Variants in ZCWPW2 observed in about 807,000 individuals in gnomAD.
ZCWPW2 encodes zinc finger CW-type and PWWP domain containing 2.
In ZCWPW2, 45 loss-of-function variants were observed where a neutral mutation model predicts 46.6. That is an observed-to-expected ratio of 0.96 (90% confidence interval 0.76 to 1.24). ZCWPW2 has a LOEUF of 1.24. Ranked by LOEUF, ZCWPW2 falls within the 50% of genes most tolerant of loss-of-function variation. The probability of loss-of-function intolerance (pLI) is 0.00; values close to 1 mark genes in which losing one functional copy is unlikely to be tolerated. For synonymous variants in ZCWPW2, 152 were observed against 137.1 expected (o/e 1.11, Z -0.76); for missense variants, 429 against 403.9 (o/e 1.06, Z -0.53).
chr3:28,515,715 C>CTGTGTGTG (rs10539082), intron 8 of ZCWPW2, 94 bp downstream of exon 8: 23 of 666,438 alleles, frequency 3.5e-5, no homozygotes, highest in African/African-American at 3.0e-4. Context: ...AAAAGATTTC[C>CTGTGTGTG]TGTGTGTGTG....
intron 2 of ZCWPW2, among the ~76,000 whole-genome samples, chr3:28,397,619 A>G (rs1485382729): frequency 1.3e-5 from 2 of 152,184 alleles, no homozygotes; most frequent in African/African-American, 4.8e-5. Flanking sequence ...TCGGTGAGCC[A>G]AGATAGCATC....
intron 5 of ZCWPW2, among the ~76,000 whole-genome samples, chr3:28,484,809 C>A (rs926252239): frequency 6.6e-6 from 1 of 151,650 alleles, no homozygotes; most frequent in Non-Finnish European, 1.5e-5. Flanking sequence ...TGCCTGCCTG[C>A]CTGCCTTCCT....
intron 4 of ZCWPW2, among the ~76,000 whole-genome samples, chr3:28,436,323 C>CTTTTTTTTTTTTTTTTTTTTTTTTTTTT (rs71087698): frequency 8.6e-6 from 1 of 116,838 alleles, no homozygotes; most frequent in Non-Finnish European, 1.7e-5. Flanking sequence ...TCTTTTTTTT[C>CTTTTTTTTTTTTTTTTTTTTTTTTTTTT]TTTTTTTTTT....
intron 6 of ZCWPW2, among the ~76,000 whole-genome samples, chr3:28,512,562 C>T (rs1700455693): frequency 6.6e-6 from 1 of 152,150 alleles, no homozygotes; most frequent in South Asian, 2.1e-4. Flanking sequence ...TCTTATGCAA[C>T]TCCTTTCAGA....
intron 2 of ZCWPW2, among the ~76,000 whole-genome samples, chr3:28,408,950 G>C (rs974492835): frequency 6.6e-6 from 1 of 152,060 alleles, no homozygotes; most frequent in African/African-American, 2.4e-5. Flanking sequence ...ATGCACATAT[G>C]TGAATTAGGG....
intron 4 of ZCWPW2, among the ~76,000 whole-genome samples, chr3:28,474,620 T>TGCGTGTGTGTGC (rs1553640373): frequency 8.2e-6 from 1 of 121,630 alleles, no homozygotes; most frequent in African/African-American, 2.8e-5. Context: ...TGTGTGTGTG[T>TGCGTGTGTGTGC]GCGCGCGCGC....
intron 1 of ZCWPW2, among the ~76,000 whole-genome samples, chr3:28,373,270 C>T (rs1416104756): frequency 6.6e-6 from 1 of 152,160 alleles, no homozygotes; most frequent in African/African-American, 2.4e-5. Context: ...CACATTTCCA[C>T]CAAAAGAATA....
At chr3:28,512,098 A>G (rs746602200) in intron 6 of ZCWPW2, among the ~76,000 whole-genome samples, 6 of 152,042 alleles carry the variant, frequency 3.9e-5, no homozygotes, top group Non-Finnish European at 7.4e-5. Flanking sequence ...TTGTTTTGAT[A>G]TGGTGTCTAT....
chr3:28,475,054 A>G (rs1331844403), intron 4 of ZCWPW2, among the ~76,000 whole-genome samples: 1 of 151,842 alleles, frequency 6.6e-6, no homozygotes, highest in Non-Finnish European at 1.5e-5. Flanking sequence ...ATGTTGCCTA[A>G]GCTGGTCTTG....
intron 2 of ZCWPW2, among the ~76,000 whole-genome samples, chr3:28,408,900 A>T (rs906946475): frequency 2.0e-5 from 3 of 152,120 alleles, no homozygotes; most frequent in Non-Finnish European, 4.4e-5. Flanking sequence ...AGGGAAAGAC[A>T]TCTGAAAGAA....
At chr3:28,463,013 A>G (rs1375882920) in intron 4 of ZCWPW2, among the ~76,000 whole-genome samples, 8 of 152,222 alleles carry the variant, frequency 5.3e-5, no homozygotes, top group East Asian at 1.9e-4. Context: ...GGACACAGCT[A>G]GGGATTTTCT....
intron 2 of ZCWPW2, among the ~76,000 whole-genome samples, chr3:28,410,698 G>C (rs1289011132): frequency 6.6e-6 from 1 of 151,880 alleles, no homozygotes; most frequent in African/African-American, 2.4e-5. Flanking sequence ...TATTAGAAAA[G>C]ACTGCAAATG....
intron 6 of ZCWPW2, among the ~76,000 whole-genome samples, chr3:28,500,786 A>T (rs1250008864): frequency 2.6e-5 from 4 of 152,156 alleles, no homozygotes; most frequent in Non-Finnish European, 2.9e-5. Flanking sequence ...ATTTGGCTTT[A>T]TATGCATCCT....
chr3:28,473,276 G>T (rs192384170), intron 4 of ZCWPW2, among the ~76,000 whole-genome samples: 1 of 152,246 alleles, frequency 6.6e-6, no homozygotes, highest in Non-Finnish European at 1.5e-5. Context: ...AGGAGTTCAA[G>T]ACCAGCCCGC....
At chr3:28,378,746 A>G (rs971463391) in intron 1 of ZCWPW2, among the ~76,000 whole-genome samples, 1 of 152,084 alleles carries the variant, frequency 6.6e-6, no homozygotes, top group African/African-American at 2.4e-5. Context: ...TCATTGTTTC[A>G]TGCCTTATAA....
At chr3:28,440,664 A>G (rs896212303) in intron 4 of ZCWPW2, among the ~76,000 whole-genome samples, 3 of 152,162 alleles carry the variant, frequency 2.0e-5, no homozygotes, top group African/African-American at 7.2e-5. Context: ...TGACCAGTGA[A>G]TTTTATAAGC....
Position 28,433,487 on chromosome 3 carries a change from C to CT in ZCWPW2, c.333-1622dup, listed in dbSNP as rs1202759032. The stretch of plus-strand genomic sequence containing the variant: ...TTTTCATTTAAATAAAGAAAACAGG[C>CT]TGGGTGCAGTGGCTCATGCCTGTAA... On this transcript the variant is annotated intron_variant, in intron 3 of 9. Transcript: ENST00000383768. Among the ~76,000 whole-genome samples the CT allele has an allele frequency of 4.6e-5, 7 of 152,260 alleles. No homozygotes were observed. The East Asian group carries it at 1.4e-3, about 29-fold the overall frequency.
chr3:28,499,601 C>T (rs1214117433), intron 6 of ZCWPW2, among the ~76,000 whole-genome samples: 1 of 152,044 alleles, frequency 6.6e-6, no homozygotes, highest in African/African-American at 2.4e-5. Context: ...CTGTAGGTTG[C>T]CCGTTCACTC....
chr3:28,405,226 G>A (rs1696111323), intron 2 of ZCWPW2, among the ~76,000 whole-genome samples: 1 of 152,074 alleles, frequency 6.6e-6, no homozygotes, highest in Non-Finnish European at 1.5e-5. Flanking sequence ...CTGAATGTCT[G>A]TGTCCCCTGA....
Sources: allele counts gnomAD v4.1 joint callset (sites outside exome capture counted in the v4.1 genomes callset), GRCh38; gene constraint gnomAD v4.1.1; transcripts MANE v1.5; gene names NCBI Gene and HGNC (gene_info 2026-07-23, HGNC 2026-07-21).